Variants in PF4V1 observed in about 807,000 individuals in gnomAD.
PF4V1 encodes the protein platelet factor 4 variant.
Under a neutral mutation model 6.9 loss-of-function variants are expected in PF4V1, and 4 were observed. That is an observed-to-expected ratio of 0.58 (90% confidence interval 0.29 to 1.34). The LOEUF (loss-of-function observed/expected upper bound fraction) is 1.34. Ranked by LOEUF, PF4V1 falls within the 40% of genes most tolerant of loss-of-function variation. The pLI, the probability that PF4V1 is intolerant of heterozygous loss-of-function variation, is 0.09. For missense variants in PF4V1, 127 were observed against 128.6 expected, an observed-to-expected ratio of 0.99 and a Z score of 0.06; for synonymous variants, 68 against 55.9, an observed-to-expected ratio of 1.22 and a Z score of -0.97.
chr4:73,853,530 G>T, intron 1 of PF4V1, 68 bp downstream of exon 1: 1 of 1,519,274 alleles, frequency 6.6e-7, no homozygotes, highest in Non-Finnish European at 8.9e-7. Flanking sequence ...CCTGGGGCTG[G>T]GGAGGAATCC....
rs750038834 is a variant in PF4V1 at position 73,853,734 on chromosome 4, C to T, written c.101-49C>T. ...AAGTATCTCTGGCTACTCAGGGAGT[C>T]ACAACTCCCACCCCTCCTCCTCTCT... is the stretch of plus-strand genomic sequence containing the variant. On this transcript the variant is annotated intron_variant, in intron 1 of 2. Transcript: ENST00000226524. 3 of 1,562,300 alleles carry T rather than the reference C, an allele frequency of 1.9e-6. No individual in the cohort carries two copies. The Admixed American group carries it at 5.7e-5, about 30-fold the overall frequency.
intron 2 of PF4V1, 21 bp from the exon 3 acceptor site, chr4:73,854,014 C>T: frequency 6.2e-7 from 1 of 1,613,684 alleles, no homozygotes; most frequent in East Asian, 2.2e-5. Flanking sequence ...AAAGTCACGT[C>T]TCTTCTCTTT....
chr4:73,853,549 C>A (rs1174784989), intron 1 of PF4V1, 87 bp downstream of exon 1: 9 of 1,476,774 alleles, frequency 6.1e-6, no homozygotes, highest in Non-Finnish European at 7.3e-6. Context: ...CCTCTAGGAT[C>A]ATGATCGCAG....
chr4:73,853,972 C>T, intron 2 of PF4V1, 63 bp downstream of exon 2: 2 of 1,608,504 alleles, frequency 1.2e-6, no homozygotes, highest in Non-Finnish European at 1.7e-6. Context: ...CATCCCTCCC[C>T]CTTCTAATGC....
intron 1 of PF4V1, 69 bp from the exon 2 acceptor site, chr4:73,853,714 T>A (rs930284699): frequency 1.3e-6 from 2 of 1,533,824 alleles, no homozygotes; most frequent in South Asian, 2.4e-5. Context: ...CCCTAAAGTA[T>A]CTCTGGCTAC....
Position 73,854,169 on chromosome 4 carries a change from C to A in PF4V1, c.*47C>A. 3 of 1,306,056 alleles carry A rather than the reference C, an allele frequency of 2.3e-6. No homozygotes were observed. The highest frequency in any genetic ancestry group is 3.3e-6 in the Non-Finnish European group (3 of 904,388). The allele number at this position is 1,306,056 out of a possible 1,614,324, so 80.9% of individuals were successfully genotyped here. ...ACTTTCAATCTAACTGTGAAAGAATCTTCTGATGTTTGTATTATCCTTCTT... is the reference window on the plus strand; with the variant it reads ...ACTTTCAATCTAACTGTGAAAGAATATTCTGATGTTTGTATTATCCTTCTT... On this transcript the variant is annotated 3_prime_UTR_variant, in exon 3 of 3. Transcript: ENST00000226524.
In PF4V1 at chr4:73,853,835, C is replaced by T. The variant is rs1454348195; in HGVS notation, c.153C>T (p.Ser51=). 6.2e-7 allele frequency: 1 copy of T among 1,613,426 alleles called. No individual in the cohort carries two copies. The highest frequency in any genetic ancestry group is 1.7e-5 in the Admixed American group (1 of 59,992). The change falls in exon 2 of 3, where the codon TCC becomes TCT. Residue 51 remains serine, a synonymous_variant. Transcript: ENST00000226524. ...AGTGCCTGTGTGTGAAGACCACCTC[C>T]CAGGTCCGTCCCAGGCACATCACCA... ...DLQCLCVKTT[S]QVRPRHITSL... is the part of the protein sequence containing the mutation.
At position 73,854,209 on chromosome 4, in the gene PF4V1, A is replaced by G. The variant is rs1731493438; in HGVS notation, c.*87A>G. The G allele has an allele frequency of 1.2e-6, 1 of 840,222 alleles. No individual in the cohort carries two copies. The highest frequency in any genetic ancestry group is 1.8e-6 in the Non-Finnish European group (1 of 542,016). 52.0% of individuals were successfully genotyped at this position (840,222 alleles called of 1,614,324 possible). A position where few individuals can be genotyped will look rare whatever the true frequency, so the allele number is the denominator to read the frequency against. ...TTATCCTTCTTATATTATATTAACG[A>G]AATAAATCAAGTTGTGGTATAGTCA... On this transcript the variant is annotated 3_prime_UTR_variant, in exon 3 of 3. Coordinates refer to ENST00000226524, the MANE Select transcript of PF4V1 (RefSeq NM_002620.4).
chr4:73,854,014 C>G (rs1285271227), intron 2 of PF4V1, 21 bp from the exon 3 acceptor site: 1 of 1,613,684 alleles, frequency 6.2e-7, no homozygotes. Context: ...AAAGTCACGT[C>G]TCTTCTCTTT....
chr4:73,853,841 C>T lies in PF4V1; in HGVS notation c.159C>T (p.Val53=), dbSNP rs753320687. The change falls in exon 2 of 3, where the codon GTC becomes GTT. Residue 53 remains valine (V), a synonymous_variant. Coordinates refer to ENST00000226524, the MANE Select transcript of PF4V1 (RefSeq NM_002620.4). ...TGTGTGTGAAGACCACCTCCCAGGT[C>T]CGTCCCAGGCACATCACCAGCCTGG... is the stretch of plus-strand genomic sequence containing the variant. The part of the protein sequence containing the change: ...QCLCVKTTSQ[V]RPRHITSLEV... 1.2e-6 allele frequency: 2 copies of T among 1,613,534 alleles called. No individual in the cohort carries two copies. Among genetic ancestry groups the T allele is most frequent in the East Asian group, 4.5e-5 (2 of 44,856 alleles).
rs1325287229 is a variant in PF4V1 at position 73,854,318 on chromosome 4, G to A, written c.*196G>A. Among the ~76,000 whole-genome samples, 1 of 152,088 alleles carries A rather than the reference G, an allele frequency of 6.6e-6. No individual in the cohort carries two copies. The highest frequency in any genetic ancestry group is 6.5e-5 in the Admixed American group (1 of 15,272). ...AAATTTCCAGAATTTTAAGCAAAAA[G>A]CATTATGAAGGAAGGCTTGGTTTAA... On this transcript the variant is annotated 3_prime_UTR_variant, in exon 3 of 3. Transcript: ENST00000226524.
chr4:73,853,708 A>C, intron 1 of PF4V1, 75 bp from the exon 2 acceptor site: 1 of 1,519,972 alleles, frequency 6.6e-7, no homozygotes, highest in Non-Finnish European at 8.9e-7. Context: ...AAAGGTCCCT[A>C]AAGTATCTCT....
In PF4V1 at chr4:73,853,787, A is replaced by G. The variant is rs1313154079; in HGVS notation, c.105A>G (p.Glu35=). The change falls in exon 2 of 3, where the codon GAA becomes GAG. Residue 35 remains glutamate, a synonymous_variant. Transcript: ENST00000226524. ...CTCCCTCCCTTTCCCCCTCAGCTGA[A>G]GCTGAAGAAGATGGGGACCTGCAGT... ...LPVVVAFARA[E]AEEDGDLQCL... is the part of the protein sequence containing the mutation. 1.9e-6 allele frequency: 3 copies of G among 1,610,462 alleles called. No individual in the cohort carries two copies. The highest frequency in any genetic ancestry group is 1.7e-4 in the Middle Eastern group (1 of 6,052).
In PF4V1 at chr4:73,854,179, T is replaced by C; in HGVS notation, c.*57T>C. 1 of 1,215,910 alleles carries C rather than the reference T, an allele frequency of 8.2e-7. No homozygotes were observed. Among genetic ancestry groups the C allele is most frequent in the Middle Eastern group, 1.9e-4 (1 of 5,276 alleles). 75.3% of individuals were successfully genotyped at this position (1,215,910 alleles called of 1,614,324 possible). On this transcript the variant is annotated 3_prime_UTR_variant, in exon 3 of 3. Transcript: ENST00000226524. ...TAACTGTGAAAGAATCTTCTGATGT[T>C]TGTATTATCCTTCTTATATTATATT...
At chr4:73,853,598 T>G in intron 1 of PF4V1, 136 bp downstream of exon 1, 1 of 1,274,352 alleles carries the variant, frequency 7.8e-7, no homozygotes, top group Non-Finnish European at 1.1e-6. Context: ...GCGGGTACAG[T>G]GCCAGGCACT....
intron 1 of PF4V1, 26 bp from the exon 2 acceptor site, chr4:73,853,757 T>G: frequency 6.3e-7 from 1 of 1,591,590 alleles, no homozygotes; most frequent in Non-Finnish European, 8.6e-7. Context: ...CCTCCTCCTC[T>G]CTTACTCCCT....
Sources: gnomAD v4.1 joint callset for allele counts (sites outside exome capture counted in the v4.1 genomes callset) on GRCh38, gnomAD v4.1.1 for gene constraint, MANE v1.5 for transcripts, NCBI Gene and HGNC (gene_info 2026-07-23, HGNC 2026-07-21) for gene names.